The following FAM193A variants were observed in gnomAD, a reference collection of about 807,000 sequenced individuals.
FAM193A encodes protein FAM193A.
Under a neutral mutation model 126.5 loss-of-function variants are expected in FAM193A, and 22 were observed. That is an observed-to-expected ratio of 0.17 (90% CI 0.12 to 0.25). FAM193A has a LOEUF of 0.25. Among genes scored for constraint, FAM193A ranks in the 10% least tolerant of loss-of-function variants. The pLI is 1.00. For missense variants in FAM193A, 1,675 were observed against 1,672.8 expected (o/e 1.00, Z -0.02); for synonymous variants, 761 against 646.8 (o/e 1.18, Z -2.68).
chr4:2,723,806 G>GTTTGT (rs1161443971), intron 20 of FAM193A, among the ~76,000 whole-genome samples: 3 of 152,018 alleles, frequency 2.0e-5, no homozygotes, highest in Admixed American at 1.3e-4. Flanking sequence ...TTTTTTGTTT[G>GTTTGT]TTTGTTTTGT....
intron 1 of FAM193A, among the ~76,000 whole-genome samples, chr4:2,578,449 G>A (rs1272025178): frequency 6.6e-6 from 1 of 151,644 alleles, no homozygotes; most frequent in Non-Finnish European, 1.5e-5. Context: ...CTTCTTGGTA[G>A]GTTTTTTTTT....
At chr4:2,545,817 G>GACT (rs1370481636) in intron 1 of FAM193A, among the ~76,000 whole-genome samples, 2 of 152,128 alleles carry the variant, frequency 1.3e-5, no homozygotes, top group Non-Finnish European at 2.9e-5. Flanking sequence ...AGGTAGCTGG[G>GACT]ACTACAGGTG....
intron 15 of FAM193A, among the ~76,000 whole-genome samples, chr4:2,692,800 TA>T (rs965249696): frequency 1.3e-5 from 2 of 148,980 alleles, no homozygotes; most frequent in African/African-American, 5.0e-5. Flanking sequence ...CTGTCAGTGT[TA>T]AATGCCAGTG....
chr4:2,590,254 G>A (rs922500074), intron 1 of FAM193A, among the ~76,000 whole-genome samples: 2 of 151,030 alleles, frequency 1.3e-5, no homozygotes, highest in East Asian at 1.9e-4. Flanking sequence ...GGCAGATCAC[G>A]AGGTCAGGAG....
chr4:2,650,001 G>A (rs1041129092), intron 7 of FAM193A, among the ~76,000 whole-genome samples: 13 of 152,154 alleles, frequency 8.5e-5, no homozygotes, highest in Admixed American at 1.3e-4. Flanking sequence ...TAGATTGTAC[G>A]CTCCTCATGA....
At chr4:2,687,903 G>A (rs1375934440) in intron 13 of FAM193A, among the ~76,000 whole-genome samples, 3 of 152,148 alleles carry the variant, frequency 2.0e-5, no homozygotes, top group African/African-American at 4.8e-5. Context: ...ATCCCTGTAC[G>A]TGCGCCATCC....
chr4:2,690,708 A>G lies in FAM193A; in HGVS notation c.2541A>G (p.Ile847Met), dbSNP rs1716273117. The G allele has an allele frequency of 6.2e-7, 1 of 1,611,830 alleles. No individual in the cohort carries two copies. Among genetic ancestry groups the G allele is most frequent in the Non-Finnish European group, 8.5e-7 (1 of 1,179,264 alleles). The stretch of plus-strand genomic sequence containing the variant: ...TGTTCTTCTTTGAAGGGAGTGAAAT[A>G]TTAGGGCCAACACTCTCAGAAACAA... ...FLPDTISGSE[I>M]LGPTLSETRP... The change falls in exon 15 of 21, where the codon ATA (isoleucine) becomes ATG (methionine). Residue 847 changes from isoleucine to methionine, a missense_variant. Coordinates refer to ENST00000637812, the MANE Select transcript of FAM193A (RefSeq NM_001366318.2).
chr4:2,696,611 G>A lies in FAM193A; in HGVS notation c.3507+18G>A, dbSNP rs1358370528. 1 of 1,596,484 alleles carries A rather than the reference G, an allele frequency of 6.3e-7. No homozygotes were observed. ...AAAGGAAGGCAAGTGACAGTTCTCAGCACCTGGAGGCGCCAGGTCTGAGGG... is the reference window on the plus strand; with the variant it reads ...AAAGGAAGGCAAGTGACAGTTCTCAACACCTGGAGGCGCCAGGTCTGAGGG... On this transcript the variant is annotated intron_variant, in intron 18 of 20. Transcript: ENST00000637812.
intron 1 of FAM193A, among the ~76,000 whole-genome samples, chr4:2,579,667 C>T (rs1242822588): frequency 6.6e-6 from 1 of 152,018 alleles, no homozygotes. Flanking sequence ...CCACTGTACT[C>T]CAGCCTAGGT....
At chr4:2,542,901 AAG>A (rs1190793455) in intron 1 of FAM193A, among the ~76,000 whole-genome samples, 1 of 152,146 alleles carries the variant, frequency 6.6e-6, no homozygotes, top group Non-Finnish European at 1.5e-5. Flanking sequence ...TGCTGAGCCA[AAG>A]AGGGTGTTTC....
chr4:2,545,141 C>T (rs1007088193), intron 1 of FAM193A, among the ~76,000 whole-genome samples: 5 of 152,024 alleles, frequency 3.3e-5, no homozygotes, highest in Non-Finnish European at 7.4e-5. Context: ...TACAGGCATG[C>T]GCCGCCATGC....
At chr4:2,692,236 G>A (rs1716474698) in intron 15 of FAM193A, among the ~76,000 whole-genome samples, 1 of 152,174 alleles carries the variant, frequency 6.6e-6, no homozygotes, top group Admixed American at 6.5e-5. Context: ...ACCTCTTCAC[G>A]GGGGAGAGAA....
At chr4:2,652,047 C>G (rs1434875973) in intron 7 of FAM193A, among the ~76,000 whole-genome samples, 1 of 152,306 alleles carries the variant, frequency 6.6e-6, no homozygotes, top group East Asian at 1.9e-4. Flanking sequence ...GAGGTCTCAT[C>G]TCAGATTTCA....
chr4:2,609,585 T>A (rs1032610856), intron 2 of FAM193A, among the ~76,000 whole-genome samples: 5 of 152,190 alleles, frequency 3.3e-5, no homozygotes, highest in African/African-American at 1.2e-4. Context: ...GCCCATAGAT[T>A]AATCAAGGCA....
At chr4:2,674,579 G>C (rs555740020) in intron 13 of FAM193A, among the ~76,000 whole-genome samples, 1 of 152,174 alleles carries the variant, frequency 6.6e-6, no homozygotes, top group East Asian at 1.9e-4. Context: ...AGTTTCTGCT[G>C]TGCTGGGGTC....
intron 10 of FAM193A, among the ~76,000 whole-genome samples, chr4:2,662,109 G>C (rs868660528): frequency 6.6e-5 from 10 of 152,096 alleles, no homozygotes; most frequent in African/African-American, 2.2e-4. Flanking sequence ...CGTGAACCTG[G>C]GGGGTGGAGC....
At chr4:2,556,092 C>T (rs1174269380) in intron 1 of FAM193A, among the ~76,000 whole-genome samples, 1 of 151,430 alleles carries the variant, frequency 6.6e-6, no homozygotes, top group African/African-American at 2.4e-5. Context: ...GGTAGGGTTT[C>T]ACCATGTTGG....
chr4:2,657,686 A>G (rs1228735432), intron 7 of FAM193A, 117 bp from the exon 8 acceptor site: 13 of 649,994 alleles, frequency 2.0e-5, no homozygotes, highest in African/African-American at 1.6e-4. Flanking sequence ...CTGTTTGCAG[A>G]TGATGTTTCT....
Position 2,690,842 on chromosome 4 carries a change from C to T in FAM193A, c.2675C>T (p.Ala892Val). The change falls in exon 15 of 21, where the codon GCT becomes GTT. Residue 892 changes from alanine to valine, a missense_variant. By Grantham distance (64) the Ala-to-Val change is moderately conservative. Transcript: ENST00000637812. ...AAATGTTTATACAATTTCCAAGATG[C>T]TTTCATGGAAGCAAATAAAGTTGTC... ...KKKCLYNFQD[A>V]FMEANKVVMA... The T allele has an allele frequency of 1.9e-6, 3 of 1,614,192 alleles. No individual in the cohort carries two copies. The highest frequency in any genetic ancestry group is 2.2e-5 in the South Asian group (2 of 91,086).
Sources: allele counts gnomAD v4.1 joint callset (sites outside exome capture counted in the v4.1 genomes callset), GRCh38; gene constraint gnomAD v4.1.1; transcripts MANE v1.5; gene names NCBI Gene and HGNC (gene_info 2026-07-23, HGNC 2026-07-21).